Variants in NXPE4 observed in about 807,000 individuals in gnomAD.
The protein encoded by NXPE4 is NXPE family member 4.
Under a neutral mutation model 33.3 loss-of-function variants are expected in NXPE4, and 42 were observed. That is an observed-to-expected ratio of 1.26 (90% CI 0.98 to 1.63). The LOEUF is 1.63. Ranked by LOEUF, NXPE4 falls within the 40% of genes most tolerant of loss-of-function variation. NXPE4 has a pLI of 0.00. For missense variants in NXPE4, 709 were observed against 647.6 expected, an observed-to-expected ratio of 1.09 and a Z score of -1.03; for synonymous variants, 253 against 234.9, an observed-to-expected ratio of 1.08 and a Z score of -0.71.
At chr11:114,642,266 C>A in the NXPE4 span, among the ~76,000 whole-genome samples, 1 of 151,958 alleles carries the variant, frequency 6.6e-6, no homozygotes, top group Admixed American at 6.6e-5. Flanking sequence ...AGATAATTCC[C>A]AATTGAGGGA....
chr11:114,676,719 T>C, the NXPE4 span, among the ~76,000 whole-genome samples: 72 of 151,988 alleles, frequency 4.7e-4, no homozygotes. Context: ...AAATTTAAAA[T>C]GGAAATACTG....
chr11:114,636,187 C>G, the NXPE4 span, among the ~76,000 whole-genome samples: 1 of 152,034 alleles, frequency 6.6e-6, no homozygotes, highest in Admixed American at 6.5e-5. Context: ...CTGGTTTAGT[C>G]TTAGGAGGGT....
the NXPE4 span, among the ~76,000 whole-genome samples, chr11:114,670,052 CCCTA>C: frequency 6.6e-6 from 1 of 151,986 alleles, no homozygotes; most frequent in African/African-American, 2.4e-5. Context: ...CTAGGTAGAG[CCCTA>C]TAGAATTAGA....
intron 2 of NXPE4, among the ~76,000 whole-genome samples, chr11:114,594,021 C>T (rs891173150): frequency 2.6e-5 from 4 of 151,874 alleles, no homozygotes; most frequent in African/African-American, 4.8e-5. Flanking sequence ...CTACCAGAGG[C>T]TGGGAAGGGT....
At chr11:114,618,144 T>C in the NXPE4 span, among the ~76,000 whole-genome samples, 1 of 151,776 alleles carries the variant, frequency 6.6e-6, no homozygotes, top group African/African-American at 2.4e-5. Context: ...ACCTGGTGGA[T>C]AGTAAGTATT....
At chr11:114,629,881 A>G in the NXPE4 span, among the ~76,000 whole-genome samples, 2 of 150,528 alleles carry the variant, frequency 1.3e-5, no homozygotes, top group Non-Finnish European at 3.0e-5. Context: ...CCAACAACAG[A>G]CAAACAGAGA....
the NXPE4 span, among the ~76,000 whole-genome samples, chr11:114,601,254 C>G: frequency 1.3e-5 from 2 of 150,298 alleles, no homozygotes; most frequent in African/African-American, 4.9e-5. Context: ...CATGCTCCCT[C>G]TTTCTGAGTC....
At chr11:114,636,378 G>C in the NXPE4 span, among the ~76,000 whole-genome samples, 1 of 151,174 alleles carries the variant, frequency 6.6e-6, no homozygotes, top group African/African-American at 2.4e-5. Flanking sequence ...GTCTGCTAGC[G>C]GTCTATCAAT....
chr11:114,607,498 G>A, the NXPE4 span, among the ~76,000 whole-genome samples: 103 of 151,850 alleles, frequency 6.8e-4, no homozygotes, highest in African/African-American at 2.4e-3. Context: ...ATTACCGGCT[G>A]GATACTAAGT....
the NXPE4 span, among the ~76,000 whole-genome samples, chr11:114,612,983 C>T: frequency 6.6e-6 from 1 of 151,896 alleles, no homozygotes; most frequent in African/African-American, 2.4e-5. Flanking sequence ...TGCGAGTAAC[C>T]ACTGTTACCC....
At position 114,570,933 on chromosome 11, in the gene NXPE4, G is replaced by A; in HGVS notation, c.*5C>T. The A allele has an allele frequency of 6.5e-7, 1 of 1,549,400 alleles. No individual in the cohort carries two copies. Among genetic ancestry groups the A allele is most frequent in the South Asian group, 1.2e-5 (1 of 82,452 alleles). The stretch of plus-strand genomic sequence containing the variant: ...AAGTGAATGAATTTCAGACTTTTGT[G>A]TTATTTAACAAATATAGTTTAATAA... On this transcript the variant is annotated 3_prime_UTR_variant, in exon 6 of 6. Transcript: ENST00000375478.
At chr11:114,632,658 AAT>A in the NXPE4 span, among the ~76,000 whole-genome samples, 1 of 90,530 alleles carries the variant, frequency 1.1e-5, no homozygotes, top group Non-Finnish European at 1.9e-5. Flanking sequence ...ATGTAAAATA[AAT>A]ATATAGTATA....
At chr11:114,583,526 C>T in intron 2 of NXPE4, 1 of 611,148 alleles carries the variant, frequency 1.6e-6, no homozygotes, top group South Asian at 1.4e-5. Context: ...CAAGCGGATG[C>T]AGAGATTCAA....
At chr11:114,641,503 C>A in the NXPE4 span, among the ~76,000 whole-genome samples, 4 of 151,886 alleles carry the variant, frequency 2.6e-5, no homozygotes, top group Non-Finnish European at 5.9e-5. Context: ...GGAATGCCAC[C>A]AAATTATATT....
At chr11:114,636,307 A>G in the NXPE4 span, among the ~76,000 whole-genome samples, 2 of 151,788 alleles carry the variant, frequency 1.3e-5, no homozygotes, top group East Asian at 3.9e-4. Context: ...ATCGGTGGTG[A>G]TATCCCCTTT....
At chr11:114,597,537 C>T (rs1949588387), upstream of NXPE4, among the ~76,000 whole-genome samples, 1 of 152,112 alleles carries the variant, frequency 6.6e-6, no homozygotes, top group African/African-American at 2.4e-5. Context: ...TACATGGGTT[C>T]ATGCACACAG....
the NXPE4 span, among the ~76,000 whole-genome samples, chr11:114,651,808 A>T: frequency 6.6e-6 from 1 of 152,192 alleles, no homozygotes; most frequent in Non-Finnish European, 1.5e-5. Flanking sequence ...CAGAGTGCTG[A>T]TTGGTGCATT....
the NXPE4 span, among the ~76,000 whole-genome samples, chr11:114,659,137 A>C: frequency 4.6e-5 from 7 of 152,196 alleles, no homozygotes; most frequent in South Asian, 8.3e-4. Context: ...ATGGCTCAGG[A>C]GAAGATGTGT....
chr11:114,673,680 C>G, the NXPE4 span, among the ~76,000 whole-genome samples: 1 of 151,778 alleles, frequency 6.6e-6, no homozygotes, highest in Admixed American at 6.6e-5. Context: ...ACCCCTAACT[C>G]TCTATGCCAA....
Sources: gnomAD v4.1 joint callset for allele counts (sites outside exome capture counted in the v4.1 genomes callset) on GRCh38, gnomAD v4.1.1 for gene constraint, MANE v1.5 for transcripts, NCBI Gene and HGNC (gene_info 2026-07-23, HGNC 2026-07-21) for gene names.